The following GUCY1A2 variants were observed in gnomAD, a reference collection of about 807,000 sequenced individuals.
GUCY1A2 encodes the protein guanylate cyclase soluble subunit alpha-2.
GUCY1A2 carries 27 observed loss-of-function variants against 63.5 expected under a neutral mutation model. The observed-to-expected ratio is 0.43, with a 90% CI of 0.31 to 0.59. GUCY1A2 has a LOEUF of 0.59. Ranked by LOEUF, GUCY1A2 falls within the 20% of genes least tolerant of loss-of-function variation. The pLI, the probability that GUCY1A2 is intolerant of heterozygous loss-of-function variation, is 0.11. For synonymous variants in GUCY1A2, 364 were observed against 343.5 expected, an observed-to-expected ratio of 1.06 and a Z score of -0.66; for missense variants, 768 against 913.3, an observed-to-expected ratio of 0.84 and a Z score of 2.05.
intron 6 of GUCY1A2, among the ~76,000 whole-genome samples, chr11:106,759,063 A>G (rs949067282): frequency 3.3e-5 from 5 of 152,158 alleles, no homozygotes; most frequent in African/African-American, 1.2e-4. Flanking sequence ...CTCACTACCT[A>G]GATGATGGGA....
At chr11:106,880,753 C>T (rs563980593) in intron 4 of GUCY1A2, among the ~76,000 whole-genome samples, 1 of 152,120 alleles carries the variant, frequency 6.6e-6, no homozygotes, top group South Asian at 2.1e-4. Context: ...TATTAAAGTG[C>T]ATTGTGAATC....
At chr11:106,870,204 C>T (rs748830669) in intron 4 of GUCY1A2, among the ~76,000 whole-genome samples, 18 of 151,348 alleles carry the variant, frequency 1.2e-4, no homozygotes, top group Non-Finnish European at 1.9e-4. Context: ...TGTATACATA[C>T]GTAACAAACC....
At chr11:106,932,073 A>T (rs1450625470) in intron 4 of GUCY1A2, among the ~76,000 whole-genome samples, 1 of 152,144 alleles carries the variant, frequency 6.6e-6, no homozygotes, top group Admixed American at 6.5e-5. Flanking sequence ...ATTCTAACTT[A>T]AAAACAAAAG....
At chr11:106,704,851 ATATAT>A (rs1289954066) in intron 7 of GUCY1A2, among the ~76,000 whole-genome samples, 1 of 150,768 alleles carries the variant, frequency 6.6e-6, no homozygotes, top group East Asian at 1.9e-4. Context: ...ATTTTAAAAT[ATATAT>A]TATATGCAGT....
At chr11:107,009,047 T>C (rs950804100) in intron 1 of GUCY1A2, among the ~76,000 whole-genome samples, 2 of 152,214 alleles carry the variant, frequency 1.3e-5, no homozygotes, top group Admixed American at 6.5e-5. Context: ...CTTCCTTTCA[T>C]GATAGATTAT....
chr11:106,810,746 A>G (rs1185803203), intron 4 of GUCY1A2, among the ~76,000 whole-genome samples: 1 of 152,082 alleles, frequency 6.6e-6, no homozygotes, highest in Non-Finnish European at 1.5e-5. Flanking sequence ...ACAGGAAAAC[A>G]TTTTTTATTC....
rs527639101 is a variant in GUCY1A2 at position 106,987,598 on chromosome 11, G to A, written c.304-1467C>T. Among the ~76,000 whole-genome samples, 4 of 148,504 alleles carry A rather than the reference G, an allele frequency of 2.7e-5. No individual in the cohort carries two copies. The South Asian group carries it at 8.6e-4, about 32-fold the overall frequency. On this transcript the variant is annotated intron_variant, in intron 1 of 7. Coordinates refer to ENST00000526355, the MANE Select transcript of GUCY1A2 (RefSeq NM_000855.3). Reference sequence around the variant, plus strand: ...ACCCAGGAGGCAGAGGTTGCAGTGAGCCAAGATCACCCCCACTGCACTCCA... The same window carrying A: ...ACCCAGGAGGCAGAGGTTGCAGTGAACCAAGATCACCCCCACTGCACTCCA...
chr11:106,889,490 G>A (rs1859946414), intron 4 of GUCY1A2, among the ~76,000 whole-genome samples: 1 of 152,088 alleles, frequency 6.6e-6, no homozygotes, highest in Admixed American at 6.5e-5. Flanking sequence ...TATTTCAATT[G>A]TCTCACAGCT....
chr11:106,697,666 G>A (rs1862743422), intron 7 of GUCY1A2, among the ~76,000 whole-genome samples: 1 of 152,006 alleles, frequency 6.6e-6, no homozygotes. Flanking sequence ...ACGATATAGA[G>A]GCTTGATTAC....
At chr11:106,713,496 C>CTTTTTTTTTTTTTT (rs143909145) in intron 6 of GUCY1A2, among the ~76,000 whole-genome samples, 2 of 78,394 alleles carry the variant, frequency 2.6e-5, no homozygotes, top group African/African-American at 1.1e-4. Flanking sequence ...TAGTATGTTT[C>CTTTTTTTTTTTTTT]TTTTTTTTTT....
At chr11:106,924,134 T>A (rs1860487385) in intron 4 of GUCY1A2, among the ~76,000 whole-genome samples, 1 of 152,210 alleles carries the variant, frequency 6.6e-6, no homozygotes, top group Admixed American at 6.5e-5. Flanking sequence ...ATAACATTTT[T>A]AAAAATTACA....
intron 5 of GUCY1A2, among the ~76,000 whole-genome samples, chr11:106,805,378 T>G (rs1461665009): frequency 6.6e-6 from 1 of 152,126 alleles, no homozygotes; most frequent in Non-Finnish European, 1.5e-5. Flanking sequence ...CCTGACTAGT[T>G]TGGATTACAG....
intron 5 of GUCY1A2, among the ~76,000 whole-genome samples, chr11:106,801,302 T>C (rs576854345): frequency 6.6e-6 from 1 of 152,280 alleles, no homozygotes; most frequent in East Asian, 1.9e-4. Context: ...ATAGTTCTTT[T>C]CAGCCTCATA....
At chr11:106,949,167 C>T (rs1860870843) in intron 3 of GUCY1A2, among the ~76,000 whole-genome samples, 1 of 152,096 alleles carries the variant, frequency 6.6e-6, no homozygotes, top group African/African-American at 2.4e-5. Context: ...AATACCACTA[C>T]TTTGTTTTAG....
chr11:106,931,629 C>T (rs963447342), intron 4 of GUCY1A2, among the ~76,000 whole-genome samples: 1 of 152,156 alleles, frequency 6.6e-6, no homozygotes, highest in African/African-American at 2.4e-5. Flanking sequence ...CGTGTGGTAT[C>T]TATGCAATAG....
chr11:106,756,597 C>T (rs892661931), intron 6 of GUCY1A2, among the ~76,000 whole-genome samples: 3 of 152,144 alleles, frequency 2.0e-5, no homozygotes, highest in African/African-American at 7.2e-5. Flanking sequence ...ATTTCTCCTT[C>T]ACTTATGAAG....
At chr11:106,927,245 C>G (rs1591330644) in intron 4 of GUCY1A2, among the ~76,000 whole-genome samples, 1 of 151,228 alleles carries the variant, frequency 6.6e-6, no homozygotes, top group African/African-American at 2.4e-5. Context: ...TGGTGGCGGG[C>G]GCCTGTAGTC....
chr11:106,745,644 G>A (rs1458652267), intron 6 of GUCY1A2, among the ~76,000 whole-genome samples: 3 of 152,168 alleles, frequency 2.0e-5, no homozygotes, highest in Non-Finnish European at 2.9e-5. Context: ...GTATACAATA[G>A]ATATTCCATA....
At chr11:107,002,730 T>G (rs551574932) in intron 1 of GUCY1A2, among the ~76,000 whole-genome samples, 7 of 152,198 alleles carry the variant, frequency 4.6e-5, no homozygotes, top group Non-Finnish European at 8.8e-5. Context: ...CCATAGTCAG[T>G]GCAGCTGCCA....
Sources: gnomAD v4.1 joint callset for allele counts (sites outside exome capture counted in the v4.1 genomes callset) on GRCh38, gnomAD v4.1.1 for gene constraint, MANE v1.5 for transcripts, NCBI Gene and HGNC (gene_info 2026-07-23, HGNC 2026-07-21) for gene names.